Variants in SLIT2 observed in about 807,000 individuals in gnomAD.
SLIT2 encodes the protein slit guidance ligand 2, also known as slit homolog 2 protein.
A neutral mutation model predicts 185.7 loss-of-function variants in SLIT2; 41 were observed. That is an observed-to-expected ratio of 0.22 (90% confidence interval 0.17 to 0.29). The LOEUF is 0.29. Among genes scored for constraint, SLIT2 ranks in the 10% least tolerant of loss-of-function variants. The pLI, the probability that SLIT2 is intolerant of heterozygous loss-of-function variation, is 1.00. For missense variants in SLIT2, 1,571 were observed against 1,909.0 expected, an observed-to-expected ratio of 0.82 and a Z score of 3.30; for synonymous variants, 693 against 680.2, an observed-to-expected ratio of 1.02 and a Z score of -0.29.
chr4:20,567,146 T>C (rs1305773859), intron 26 of SLIT2, 116 bp from the exon 27 acceptor site: 16 of 934,598 alleles, frequency 1.7e-5, no homozygotes, highest in African/African-American at 6.6e-5. Flanking sequence ...GAGACACATA[T>C]AGATATGTGA....
chr4:20,457,677 A>G (rs925271895), intron 4 of SLIT2, among the ~76,000 whole-genome samples: 2 of 152,078 alleles, frequency 1.3e-5, no homozygotes, highest in African/African-American at 2.4e-5. Flanking sequence ...CACTTTACCT[A>G]TCTACTTTTC....
chr4:20,431,813 A>G lies in SLIT2; in HGVS notation c.396-35939A>G, dbSNP rs558604627. 5.4e-5 allele frequency among the ~76,000 whole-genome samples: 8 copies of G among 149,228 alleles called. No homozygotes were observed. The East Asian group carries it at 1.5e-3, about 29-fold the overall frequency. ...CCCTCTTCGTTAAAATGTCCCTGATAAAAGGAGGAAAGTGAAGTTGAGCTC... is the reference window on the plus strand; with the variant it reads ...CCCTCTTCGTTAAAATGTCCCTGATGAAAGGAGGAAAGTGAAGTTGAGCTC... On this transcript the variant is annotated intron_variant, in intron 4 of 36. Transcript: ENST00000504154.
At chr4:20,359,342 G>A (rs1231629637) in intron 4 of SLIT2, among the ~76,000 whole-genome samples, 1 of 152,128 alleles carries the variant, frequency 6.6e-6, no homozygotes, top group Admixed American at 6.6e-5. Context: ...GGTGTGTAGG[G>A]AGGGATTTCT....
intron 9 of SLIT2, among the ~76,000 whole-genome samples, chr4:20,497,635 T>A (rs999439848): frequency 6.6e-6 from 1 of 152,216 alleles, no homozygotes; most frequent in African/African-American, 2.4e-5. Flanking sequence ...TTAAATGTTC[T>A]CTTATTTCCC....
At chr4:20,263,494 C>T (rs760332283) in intron 3 of SLIT2, among the ~76,000 whole-genome samples, 46 of 151,678 alleles carry the variant, frequency 3.0e-4, no homozygotes, top group Non-Finnish European at 5.8e-4. Flanking sequence ...CCCTGTTCTT[C>T]GACATCTTAT....
At chr4:20,358,339 C>T (rs764383608) in intron 4 of SLIT2, among the ~76,000 whole-genome samples, 14 of 152,074 alleles carry the variant, frequency 9.2e-5, no homozygotes, top group African/African-American at 3.1e-4. Flanking sequence ...TTCTGCATGT[C>T]GATGCATGTA....
chr4:20,347,014 C>A (rs1363213653), intron 4 of SLIT2, among the ~76,000 whole-genome samples: 3 of 152,180 alleles, frequency 2.0e-5, no homozygotes, highest in Non-Finnish European at 4.4e-5. Flanking sequence ...CACAGACACA[C>A]CCAGTAACAA....
intron 4 of SLIT2, among the ~76,000 whole-genome samples, chr4:20,452,003 T>C (rs1164764288): frequency 6.6e-6 from 1 of 152,220 alleles, no homozygotes; most frequent in Non-Finnish European, 1.5e-5. Flanking sequence ...AAAGTAAATT[T>C]TGTCTCATTG....
rs75173232 is a variant in SLIT2, at chr4:20,374,259, T to G, written c.396-93493T>G. On this transcript the variant is annotated intron_variant, in intron 4 of 36. Coordinates refer to ENST00000504154, the MANE Select transcript of SLIT2 (RefSeq NM_004787.4). The stretch of plus-strand genomic sequence containing the variant: ...GTATGTGTTTGCTAGGATTGCTATA[T>G]CAAAGTACTATGAAGTGCATGGCTT... Among the ~76,000 whole-genome samples, 140 of 152,250 alleles carry G rather than the reference T, an allele frequency of 9.2e-4. 1 individual carries two copies. Among genetic ancestry groups the G allele is most frequent in the African/African-American group, 3.1e-3 (130 of 41,562 alleles).
At chr4:20,576,050 G>C (rs568966172) in intron 29 of SLIT2, among the ~76,000 whole-genome samples, 1 of 152,316 alleles carries the variant, frequency 6.6e-6, no homozygotes, top group South Asian at 2.1e-4. Flanking sequence ...ATGTAACTAT[G>C]TATCGGAAAA....
intron 29 of SLIT2, 108 bp from the exon 30 acceptor site, chr4:20,589,536 T>C (rs1389452957): frequency 8.4e-6 from 7 of 835,246 alleles, no homozygotes; most frequent in East Asian, 5.1e-5. Context: ...TGTTTTGTTT[T>C]AAATCACAAG....
Position 20,497,355 on chromosome 4 carries a change from C to T in SLIT2, c.914+5456C>T, listed in dbSNP as rs1003799681. Among the ~76,000 whole-genome samples, 24 of 152,096 alleles carry T rather than the reference C, an allele frequency of 1.6e-4. No homozygotes were observed. In the East Asian group the frequency reaches 4.6e-3, roughly 29 times the overall value. The stretch of plus-strand genomic sequence containing the variant: ...TGGCTTCAATCATACATTTGCTTGA[C>T]TCTCAAGCCCATGGTCCTAACTTGA... On this transcript the variant is annotated intron_variant, in intron 9 of 36. Coordinates refer to ENST00000504154, the MANE Select transcript of SLIT2 (RefSeq NM_004787.4).
chr4:20,380,239 C>G (rs922261031), intron 4 of SLIT2, among the ~76,000 whole-genome samples: 1 of 152,118 alleles, frequency 6.6e-6, no homozygotes, highest in Non-Finnish European at 1.5e-5. Flanking sequence ...TTCTGGACTT[C>G]CCTTAACAAA....
intron 4 of SLIT2, among the ~76,000 whole-genome samples, chr4:20,378,660 AATC>A (rs1724230980): frequency 6.6e-6 from 1 of 152,152 alleles, no homozygotes; most frequent in African/African-American, 2.4e-5. Context: ...CTGGAAGGTT[AATC>A]TAAATATGTG....
At chr4:20,537,387 A>G (rs1722393477) in intron 18 of SLIT2, among the ~76,000 whole-genome samples, 1 of 150,690 alleles carries the variant, frequency 6.6e-6, no homozygotes, top group Admixed American at 6.6e-5. Flanking sequence ...CTTGACCAAA[A>G]TATTGTTCTA....
intron 4 of SLIT2, among the ~76,000 whole-genome samples, chr4:20,450,546 AC>A (rs1712360080): frequency 6.6e-6 from 1 of 152,192 alleles, no homozygotes; most frequent in African/African-American, 2.4e-5. Context: ...GATGGACAAG[AC>A]CATATCCTAT....
At chr4:20,262,373 T>C (rs1031151859) in intron 3 of SLIT2, among the ~76,000 whole-genome samples, 3 of 151,832 alleles carry the variant, frequency 2.0e-5, no homozygotes, top group African/African-American at 7.2e-5. Flanking sequence ...GAATATGTTG[T>C]GGAACAGGTC....
At chr4:20,359,648 C>T (rs1722585780) in intron 4 of SLIT2, among the ~76,000 whole-genome samples, 1 of 151,898 alleles carries the variant, frequency 6.6e-6, no homozygotes, top group South Asian at 2.1e-4. Context: ...AGAAGAGGTG[C>T]TCAGAAATGT....
intron 29 of SLIT2, among the ~76,000 whole-genome samples, chr4:20,578,875 G>A (rs1726285650): frequency 6.6e-6 from 1 of 152,010 alleles, no homozygotes; most frequent in African/African-American, 2.4e-5. Context: ...ATCTTAATCT[G>A]GGGACAAAAT....
Sources: allele counts gnomAD v4.1 joint callset (sites outside exome capture counted in the v4.1 genomes callset), GRCh38; gene constraint gnomAD v4.1.1; transcripts MANE v1.5; gene names NCBI Gene and HGNC (gene_info 2026-07-23, HGNC 2026-07-21).